The following WIPI1 variants were observed in gnomAD, a reference collection of about 807,000 sequenced individuals.
The protein encoded by WIPI1 is WD repeat domain, phosphoinositide interacting 1.
In WIPI1, 45 loss-of-function variants were observed where a neutral mutation model predicts 55.3. That is an observed-to-expected ratio of 0.81 (90% CI 0.64 to 1.04). The LOEUF is 1.04. Among genes scored for constraint, WIPI1 ranks in the 50% least tolerant of loss-of-function variants. The probability of loss-of-function intolerance (pLI) is 0.00; values close to 1 mark genes in which losing one functional copy is unlikely to be tolerated. For synonymous variants in WIPI1, 195 were observed against 217.6 expected, an observed-to-expected ratio of 0.90 and a Z score of 0.92; for missense variants, 445 against 559.0, an observed-to-expected ratio of 0.80 and a Z score of 2.06.
At chr17:68,457,319 G>A in intron 1 of WIPI1, 23 bp downstream of exon 1, 3 of 1,540,892 alleles carry the variant, frequency 1.9e-6, no homozygotes, top group South Asian at 1.2e-5. Flanking sequence ...CACCTCCCTG[G>A]CAGGGGCCGA....
Position 68,450,163 on chromosome 17 carries a change from C to CAAA in WIPI1, c.333+562_333+564dup, listed in dbSNP as rs11422156. ...TAATCCTTCAACAAAGAAAATGCTA[C>CAAA]AAAAAAAACAAAAAGTCTTCAAGGG... On this transcript the variant is annotated intron_variant, in intron 3 of 12. Coordinates refer to ENST00000262139, the MANE Select transcript of WIPI1 (RefSeq NM_017983.7). Among the ~76,000 whole-genome samples, 48 of 151,902 alleles carry CAAA rather than the reference C, an allele frequency of 3.2e-4. No individual in the cohort carries two copies. The South Asian group carries it at 5.4e-3, about 17-fold the overall frequency.
chr17:68,426,254 G>GGGGGGGGGGGCCCCCCCCCCCCCC, intron 11 of WIPI1, 79 bp from the exon 12 acceptor site: 1 of 816,922 alleles, frequency 1.2e-6, no homozygotes, highest in Non-Finnish European at 1.9e-6. Context: ...GGGAGCGGGG[G>GGGGGGGGGGGCCCCCCCCCCCCCC]CTCAAATAAA....
intron 1 of WIPI1, among the ~76,000 whole-genome samples, chr17:68,455,812 A>G (rs1180604657): frequency 6.6e-6 from 1 of 152,174 alleles, no homozygotes; most frequent in African/African-American, 2.4e-5. Flanking sequence ...TGTCAAATCT[A>G]ATGATGTTAC....
At position 68,446,872 on chromosome 17, in the gene WIPI1, C is replaced by T. The variant is rs1391299564; in HGVS notation, c.334-2283G>A. Among the ~76,000 whole-genome samples, 28 of 152,198 alleles carry T rather than the reference C, an allele frequency of 1.8e-4. 1 individual carries two copies. The highest frequency in any genetic ancestry group is 1.8e-3 in the Admixed American group (28 of 15,276). The stretch of plus-strand genomic sequence containing the variant: ...TCACTCAGCTGAATTTCAGGTCACC[C>T]TCATGCTGGCTGCAGATAAGACTAA... On this transcript the variant is annotated intron_variant, in intron 3 of 12. Transcript: ENST00000262139.
chr17:68,436,993 CAAAA>C (rs139267277), intron 4 of WIPI1, among the ~76,000 whole-genome samples: 1 of 124,672 alleles, frequency 8.0e-6, no homozygotes, highest in Non-Finnish European at 1.8e-5. Context: ...GACCCCGTCT[CAAAA>C]AAAAAAAAAT....
intron 10 of WIPI1, 198 bp downstream of exon 10, chr17:68,428,631 T>C (rs924008532): frequency 1.8e-5 from 10 of 540,966 alleles, no homozygotes; most frequent in Admixed American, 3.1e-5. Context: ...CCTGGCACTT[T>C]TCCAGATGAT....
chr17:68,441,204 G>C (rs1031243896), intron 4 of WIPI1: 1 of 152,144 alleles, frequency 6.6e-6, no homozygotes, highest in Admixed American at 6.5e-5. Flanking sequence ...AATTAACTTC[G>C]AGCCCCTGTC....
chr17:68,444,409 C>T (rs186636736), intron 4 of WIPI1, 84 bp downstream of exon 4: 15 of 1,298,972 alleles, frequency 1.2e-5, no homozygotes, highest in East Asian at 9.3e-5. Flanking sequence ...GCTTCACGTT[C>T]GCAATTTGGA....
intron 12 of WIPI1, among the ~76,000 whole-genome samples, chr17:68,425,196 C>A (rs1359632405): frequency 6.6e-6 from 1 of 152,110 alleles, no homozygotes; most frequent in Non-Finnish European, 1.5e-5. Context: ...CTCCACAGAG[C>A]ACACAATTGC....
In WIPI1 at chr17:68,428,828, C is replaced by T; in HGVS notation, c.1073+1G>A. On this transcript the variant is annotated splice_donor_variant, in intron 10 of 12. Coordinates refer to ENST00000262139, the MANE Select transcript of WIPI1 (RefSeq NM_017983.7). LOFTEE classifies it high-confidence loss of function. ...TGTCTTTTGAAAAGCAGTCTCTTCACCTGTGGGTTTTGATTAAGACACACT... is the reference window on the plus strand; with the variant it reads ...TGTCTTTTGAAAAGCAGTCTCTTCATCTGTGGGTTTTGATTAAGACACACT... The T allele has an allele frequency of 6.2e-7, 1 of 1,611,142 alleles. No homozygotes were observed. The highest frequency in any genetic ancestry group is 8.5e-7 in the Non-Finnish European group (1 of 1,177,368).
At chr17:68,427,060 G>T (rs984715315) in intron 11 of WIPI1, 75 bp downstream of exon 11, 92 of 1,247,316 alleles carry the variant, frequency 7.4e-5, no homozygotes, top group Non-Finnish European at 1.0e-4. Context: ...AGGGGGAAGG[G>T]GAGGGAGCGT....
chr17:68,439,544 TGTG>T (rs1378435614), intron 4 of WIPI1, among the ~76,000 whole-genome samples: 2 of 152,178 alleles, frequency 1.3e-5, no homozygotes, highest in African/African-American at 2.4e-5. Context: ...TAAAATTAAT[TGTG>T]GTGATGGTTA....
chr17:68,446,637 A>G (rs2084295601), intron 3 of WIPI1, among the ~76,000 whole-genome samples: 1 of 152,250 alleles, frequency 6.6e-6, no homozygotes. Context: ...TTGCCAGCAC[A>G]TGCCGTGGTT....
intron 1 of WIPI1, among the ~76,000 whole-genome samples, chr17:68,456,255 C>A (rs2084643201): frequency 6.6e-6 from 1 of 152,144 alleles, no homozygotes; most frequent in African/African-American, 2.4e-5. Context: ...TTGTTCAGCA[C>A]CGGGTGTTTT....
rs1391090494 is a variant in WIPI1, at chr17:68,450,972, G to A, written c.164-75C>T. ...AGGATTCCAGCCTCCATGACACTGG[G>A]CCCGGCGCAGGCCAGGTTCCAAAGG... is the stretch of plus-strand genomic sequence containing the variant. On this transcript the variant is annotated intron_variant, in intron 2 of 12. Coordinates refer to ENST00000262139, the MANE Select transcript of WIPI1 (RefSeq NM_017983.7). 3.9e-6 allele frequency: 6 copies of A among 1,528,736 alleles called. No homozygotes were observed. In the African/African-American group the frequency reaches 7.0e-5, roughly 18 times the overall value. The allele number at this position is 1,528,736 out of a possible 1,614,324, so 94.7% of individuals were successfully genotyped here.
At chr17:68,437,410 T>TCAGGTGTGGTTGCATGTG (rs1394799197) in intron 4 of WIPI1, among the ~76,000 whole-genome samples, 8 of 151,670 alleles carry the variant, frequency 5.3e-5, no homozygotes, top group Admixed American at 5.2e-4. Flanking sequence ...CAAAAATTAG[T>TCAGGTGTGGTTGCATGTG]CAGGTGTGGT....
intron 10 of WIPI1, chr17:68,428,480 G>A (rs1007130003): frequency 8.7e-5 from 18 of 206,640 alleles, no homozygotes; most frequent in South Asian, 6.1e-4. Context: ...CCATCCACCC[G>A]CTTCGGCCTC....
intron 4 of WIPI1, chr17:68,440,671 T>C (rs1450375190): frequency 2.0e-5 from 3 of 152,212 alleles, no homozygotes; most frequent in Non-Finnish European, 4.4e-5. Context: ...ATAATTCCAC[T>C]GTAATTGTTT....
chr17:68,422,093 C>G (rs1222503594), intron 12 of WIPI1: 3 of 415,390 alleles, frequency 7.2e-6, no homozygotes, highest in African/African-American at 2.0e-5. Flanking sequence ...TTTTAAAAGG[C>G]TCATCTTACT....
Sources: gnomAD v4.1 joint callset for allele counts (sites outside exome capture counted in the v4.1 genomes callset) on GRCh38, gnomAD v4.1.1 for gene constraint, MANE v1.5 for transcripts, NCBI Gene and HGNC (gene_info 2026-07-23, HGNC 2026-07-21) for gene names.